SYT1: variants seen among roughly 807,000 people sequenced by gnomAD.
SYT1 encodes the protein synaptotagmin-1.
Under a neutral mutation model 44.8 loss-of-function variants are expected in SYT1, and 8 were observed. That is an observed-to-expected ratio of 0.18 (90% confidence interval 0.10 to 0.32). The LOEUF (loss-of-function observed/expected upper bound fraction) is 0.32. SYT1 is among the 10% of genes least tolerant of loss of function. SYT1 has a pLI of 1.00. For synonymous variants in SYT1, 154 were observed against 188.8 expected (o/e 0.82, Z 1.51); for missense variants, 286 against 509.3 (o/e 0.56, Z 4.22).
At chr12:79,057,067 A>G (rs897170144) in intron 3 of SYT1, among the ~76,000 whole-genome samples, 1 of 152,062 alleles carries the variant, frequency 6.6e-6, no homozygotes, top group Non-Finnish European at 1.5e-5. Flanking sequence ...AGTAATAACT[A>G]TTCCTGTTTC....
intron 4 of SYT1, among the ~76,000 whole-genome samples, chr12:79,227,240 A>G (rs1875577260): frequency 6.6e-6 from 1 of 152,118 alleles, no homozygotes. Flanking sequence ...ATTTTTTTTA[A>G]AAAAAGGAGA....
intron 4 of SYT1, among the ~76,000 whole-genome samples, chr12:79,230,556 G>A (rs1213549299): frequency 1.3e-5 from 2 of 152,084 alleles, no homozygotes; most frequent in Non-Finnish European, 2.9e-5. Context: ...GGGTAATACT[G>A]ATTTTAAAAA....
intron 1 of SYT1, among the ~76,000 whole-genome samples, chr12:78,950,014 C>G (rs1441305456): frequency 1.3e-5 from 2 of 151,810 alleles, no homozygotes; most frequent in Non-Finnish European, 2.9e-5. Context: ...TTCTGTTAAC[C>G]CACAATTCTC....
At chr12:78,969,464 C>A (rs967644588) in intron 1 of SYT1, among the ~76,000 whole-genome samples, 1 of 152,160 alleles carries the variant, frequency 6.6e-6, no homozygotes, top group Non-Finnish European at 1.5e-5. Context: ...AAAAACATAT[C>A]TTGGTTGGGC....
chr12:79,034,703 A>G (rs1412217764), intron 2 of SYT1, among the ~76,000 whole-genome samples: 1 of 151,732 alleles, frequency 6.6e-6, no homozygotes, highest in Non-Finnish European at 1.5e-5. Context: ...ATAGGCATAT[A>G]GCCTCCTCCA....
chr12:78,894,156 C>A (rs1215950789), intron 1 of SYT1, among the ~76,000 whole-genome samples: 3 of 151,104 alleles, frequency 2.0e-5, no homozygotes, highest in Admixed American at 1.3e-4. Flanking sequence ...TTTTTCTCTG[C>A]TTCAATATCT....
chr12:79,437,512 T>C (rs1870158425), intron 9 of SYT1, among the ~76,000 whole-genome samples: 1 of 152,186 alleles, frequency 6.6e-6, no homozygotes, highest in South Asian at 2.1e-4. Flanking sequence ...GTCTGCAGGA[T>C]AAGAGAAGAG....
intron 2 of SYT1, among the ~76,000 whole-genome samples, chr12:79,000,991 T>G (rs1053247478): frequency 8.5e-5 from 13 of 152,172 alleles, no homozygotes; most frequent in African/African-American, 3.1e-4. Flanking sequence ...ATTGGATAAT[T>G]GAACAGTGCC....
intron 9 of SYT1, chr12:79,392,380 A>C (rs1353877290): frequency 1.3e-5 from 2 of 152,238 alleles, no homozygotes; most frequent in African/African-American, 4.8e-5. Flanking sequence ...TTTGAAATAA[A>C]CTATCAGCTG....
chr12:79,006,952 C>A (rs1461875870), intron 2 of SYT1, among the ~76,000 whole-genome samples: 1 of 152,080 alleles, frequency 6.6e-6, no homozygotes, highest in Non-Finnish European at 1.5e-5. Flanking sequence ...TTTTTCCAGC[C>A]ACTAGCAGAG....
chr12:79,118,646 C>G (rs927576139), intron 3 of SYT1, among the ~76,000 whole-genome samples: 1 of 151,932 alleles, frequency 6.6e-6, no homozygotes. Context: ...AATCATTGTA[C>G]ATGTGTTAGC....
intron 1 of SYT1, among the ~76,000 whole-genome samples, chr12:78,907,620 T>C (rs868232842): frequency 6.6e-6 from 1 of 151,996 alleles, no homozygotes; most frequent in Middle Eastern, 3.2e-3. Context: ...AACACTAAAT[T>C]CTTCTCTTAT....
intron 1 of SYT1, among the ~76,000 whole-genome samples, chr12:78,949,845 A>G (rs1258498774): frequency 1.3e-5 from 2 of 152,060 alleles, no homozygotes; most frequent in Admixed American, 1.3e-4. Context: ...GAAAAATGTG[A>G]AACTGGGCAA....
intron 4 of SYT1, among the ~76,000 whole-genome samples, chr12:79,277,457 C>A (rs567163842): frequency 6.6e-6 from 1 of 152,078 alleles, no homozygotes. Flanking sequence ...CATTCCCAGA[C>A]AAACAAATGC....
chr12:79,402,242 C>T (rs138174047), intron 9 of SYT1, among the ~76,000 whole-genome samples: 2,095 of 152,256 alleles, frequency 0.014, 33 homozygotes, highest in Middle Eastern at 0.048. Context: ...AACAGTAGCT[C>T]CTCTCTTGCC....
intron 9 of SYT1, among the ~76,000 whole-genome samples, chr12:79,425,868 A>C (rs1314834708): frequency 1.3e-5 from 2 of 152,066 alleles, no homozygotes; most frequent in Non-Finnish European, 2.9e-5. Context: ...CCTTTGACTC[A>C]TTTATACCAT....
rs144491699 is a variant in SYT1, at chr12:79,020,595, T to C, written c.-83-26702T>C. Among the ~76,000 whole-genome samples the C allele has an allele frequency of 1.4e-4, 21 of 152,074 alleles. No homozygotes were observed. In the East Asian group the frequency reaches 4.1e-3, roughly 29 times the overall value. Reference sequence around the variant, plus strand: ...TCTTTATTCTCTGCATTATAGTATATGCACCAGGCATTCCTTTCTTAATTC... The same window carrying C: ...TCTTTATTCTCTGCATTATAGTATACGCACCAGGCATTCCTTTCTTAATTC... On this transcript the variant is annotated intron_variant, in intron 2 of 10. Transcript: ENST00000261205.
At chr12:79,245,591 CAAAAAGAAA>C (rs1414628243) in intron 4 of SYT1, among the ~76,000 whole-genome samples, 3 of 149,384 alleles carry the variant, frequency 2.0e-5, no homozygotes, top group Non-Finnish European at 3.0e-5. Context: ...AGCATCGTGG[CAAAAAGAAA>C]AAAAAGAAAA....
intron 3 of SYT1, among the ~76,000 whole-genome samples, chr12:79,127,692 A>G (rs1868525853): frequency 6.6e-6 from 1 of 152,192 alleles, no homozygotes. Flanking sequence ...AACATCCTGC[A>G]TTTGTGTGAC....
Sources: gnomAD v4.1 joint callset for allele counts (sites outside exome capture counted in the v4.1 genomes callset) on GRCh38, gnomAD v4.1.1 for gene constraint, MANE v1.5 for transcripts, NCBI Gene and HGNC (gene_info 2026-07-23, HGNC 2026-07-21) for gene names.